TMEM179: variants seen among roughly 807,000 people sequenced by gnomAD.
TMEM179 encodes transmembrane protein 179A.
A neutral mutation model predicts 22.2 loss-of-function variants in TMEM179; 17 were observed. The observed-to-expected ratio is 0.77, with a 90% CI of 0.52 to 1.15. The LOEUF (loss-of-function observed/expected upper bound fraction) is 1.15, where lower values mean the gene tolerates loss of function less well. Among genes scored for constraint, TMEM179 ranks in the 50% most tolerant of loss-of-function variants. The probability of loss-of-function intolerance (pLI) is 0.00; values close to 1 mark genes in which losing one functional copy is unlikely to be tolerated. For synonymous variants in TMEM179, 127 were observed against 140.5 expected (o/e 0.90, Z 0.68); for missense variants, 265 against 313.6 (o/e 0.84, Z 1.17).
Position 104,597,691 on chromosome 14 carries a change from T to A in TMEM179, c.306-564A>T, listed in dbSNP as rs888173764. Among the ~76,000 whole-genome samples, 1 of 152,042 alleles carries A rather than the reference T, an allele frequency of 6.6e-6. No homozygotes were observed. Among genetic ancestry groups the A allele is most frequent in the Non-Finnish European group, 1.5e-5 (1 of 68,004 alleles). ...AAGAGGAACGGGCCCTCAGCAGGCA[T>A]CGAACCTGGATCCCAGCCTGGATCG... On this transcript the variant is annotated intron_variant, in intron 1 of 3. Transcript: ENST00000556573. This position sits in a 1 kb window ranked among gnomAD's most constrained non-coding sequence, Gnocchi z 4.8.
intron 1 of TMEM179, among the ~76,000 whole-genome samples, chr14:104,599,405 C>T (rs1334579354): frequency 6.6e-6 from 1 of 152,198 alleles, no homozygotes; most frequent in East Asian, 1.9e-4. Context: ...ACCCACCCAT[C>T]CAGGTCCCGT....
chr14:104,602,207 C>G (rs1887261246), intron 1 of TMEM179, among the ~76,000 whole-genome samples: 2 of 152,202 alleles, frequency 1.3e-5, no homozygotes, highest in Admixed American at 1.3e-4. Context: ...ATAGACCATA[C>G]CCTGTGCGAC....
At chr14:104,601,811 G>A (rs915864758) in intron 1 of TMEM179, among the ~76,000 whole-genome samples, 4 of 152,122 alleles carry the variant, frequency 2.6e-5, no homozygotes, top group African/African-American at 4.8e-5. Context: ...GGAGCTGCCC[G>A]GACCTGACCT....
In TMEM179 at chr14:104,604,410, G is replaced by A; in HGVS notation, c.305+27C>T. ...GGGGCGCTGGGGGCATGGAAGGGGC[G>A]CCGCGCCGGGAGCGGCCCCCACTTA... On this transcript the variant is annotated intron_variant, in intron 1 of 3. Transcript: ENST00000556573. This position sits in a 1 kb window ranked among gnomAD's most constrained non-coding sequence, Gnocchi z 4.6. The A allele has an allele frequency of 1.3e-6, 2 of 1,488,276 alleles. No individual in the cohort carries two copies. Among genetic ancestry groups the A allele is most frequent in the Non-Finnish European group, 8.9e-7 (1 of 1,126,778 alleles). 92.2% of individuals were successfully genotyped at this position (1,488,276 alleles called of 1,614,324 possible). A position where few individuals can be genotyped will look rare whatever the true frequency, so the allele number is the denominator to read the frequency against.
Position 104,596,898 on chromosome 14 carries a change from C to T in TMEM179, c.443+92G>A, listed in dbSNP as rs966681872. On this transcript the variant is annotated intron_variant, in intron 2 of 3. Transcript: ENST00000556573. ...CCAGGGACCGCAGACTCAGGATGGG[C>T]TTCGTGAGGGAAGATCACCCACAGC... 4.0e-6 allele frequency: 6 copies of T among 1,511,286 alleles called. No individual in the cohort carries two copies. The African/African-American group carries it at 8.3e-5, about 21-fold the overall frequency. 93.6% of individuals were successfully genotyped at this position (1,511,286 alleles called of 1,614,324 possible).
chr14:104,600,188 C>A (rs1214536213), intron 1 of TMEM179, among the ~76,000 whole-genome samples: 1 of 152,354 alleles, frequency 6.6e-6, no homozygotes, highest in Non-Finnish European at 1.5e-5. Context: ...GTGTCCAGAG[C>A]ATCCCCGGAT....
rs538226676 is a variant in TMEM179 at position 104,595,929 on chromosome 14, G to A, written c.444-686C>T. On this transcript the variant is annotated intron_variant, in intron 2 of 3. Transcript: ENST00000556573. This position sits in a 1 kb window ranked among gnomAD's most constrained non-coding sequence, Gnocchi z 5.7. ...GCGGCCCCAAATCCCTGGAGGGGCTGAAGGGCTGGAAACAGTGTCTGTGAG... is the reference window on the plus strand; with the variant it reads ...GCGGCCCCAAATCCCTGGAGGGGCTAAAGGGCTGGAAACAGTGTCTGTGAG... 6.6e-6 allele frequency among the ~76,000 whole-genome samples: 1 copy of A among 152,276 alleles called. No individual in the cohort carries two copies. The highest frequency in any genetic ancestry group is 1.5e-5 in the Non-Finnish European group (1 of 68,046).
intron 1 of TMEM179, among the ~76,000 whole-genome samples, chr14:104,600,436 C>A (rs1052962968): frequency 3.9e-5 from 6 of 152,236 alleles, no homozygotes; most frequent in African/African-American, 1.4e-4. Flanking sequence ...AGCATCCCTC[C>A]GGCCCGCCAA....
In TMEM179 at chr14:104,595,349, G is replaced by C. The variant is rs1410867470; in HGVS notation, c.444-106C>G. On this transcript the variant is annotated intron_variant, in intron 2 of 3. Coordinates refer to ENST00000556573, the MANE Select transcript of TMEM179 (RefSeq NM_001286389.2). The surrounding 1 kb of genome is among the most constrained non-coding windows in gnomAD (Gnocchi z 5.7). ...CAGGAGCTTTGCCCTACAATTGTTGGGCGAGGGGGTGGGCAGCAGGGAGTC... is the reference window on the plus strand; with the variant it reads ...CAGGAGCTTTGCCCTACAATTGTTGCGCGAGGGGGTGGGCAGCAGGGAGTC... The C allele has an allele frequency of 8.7e-7, 1 of 1,147,306 alleles. No individual in the cohort carries two copies. The highest frequency in any genetic ancestry group is 1.5e-5 in the African/African-American group (1 of 65,022). 71.1% of individuals were successfully genotyped at this position (1,147,306 alleles called of 1,614,324 possible).
intron 3 of TMEM179, 83 bp from the exon 4 acceptor site, chr14:104,593,741 G>A: frequency 7.2e-7 from 1 of 1,395,942 alleles, no homozygotes. Context: ...CCCAGGCTCT[G>A]CTCTGCAGGG....
At position 104,593,349 on chromosome 14, in the gene TMEM179, T is replaced by C. The variant is rs1392415659; in HGVS notation, c.*130A>G. 1.7e-6 allele frequency: 2 copies of C among 1,164,258 alleles called. No homozygotes were observed. The highest frequency in any genetic ancestry group is 2.4e-6 in the Non-Finnish European group (2 of 826,356). The allele number at this position is 1,164,258 out of a possible 1,614,324, so 72.1% of individuals were successfully genotyped here. ...GGCGCTCACCTCACTACACGTGGCG[T>C]CGAGGGGACACACGCAGGGCTGCAT... On this transcript the variant is annotated 3_prime_UTR_variant, in exon 4 of 4. Transcript: ENST00000556573.
rs111274571 is a variant in TMEM179, at chr14:104,598,348, C to T, written c.306-1221G>A. Among the ~76,000 whole-genome samples the T allele has an allele frequency of 5.5e-3, 843 of 152,290 alleles. 5 individuals are homozygous for T. The highest frequency in any genetic ancestry group is 0.034 in the East Asian group (174 of 5,186). ...CCCGCCTCTCACCTGCCAGCAGGCT[C>T]GATGTTAGCCTGCATGCTGTCAGCA... is the stretch of plus-strand genomic sequence containing the variant. On this transcript the variant is annotated intron_variant, in intron 1 of 3. Transcript: ENST00000556573.
chr14:104,595,257 A>C lies in TMEM179; in HGVS notation c.444-14T>G. ...AGCTCTTCACAGCTAAAACAGCAGG[A>C]CATAGGGTGGAGGGTGACCACCAGG... is the stretch of plus-strand genomic sequence containing the variant. On this transcript the variant is annotated splice_polypyrimidine_tract_variant and intron_variant, in intron 2 of 3. Transcript: ENST00000556573. This position sits in a 1 kb window ranked among gnomAD's most constrained non-coding sequence, Gnocchi z 5.7. 2 of 1,611,196 alleles carry C rather than the reference A, an allele frequency of 1.2e-6. No individual in the cohort carries two copies. The highest frequency in any genetic ancestry group is 2.2e-5 in the East Asian group (1 of 44,804).
chr14:104,603,526 C>G (rs1041798201), intron 1 of TMEM179, among the ~76,000 whole-genome samples: 4 of 82,560 alleles, frequency 4.8e-5, no homozygotes, highest in East Asian at 3.5e-4. Flanking sequence ...GGTGGGTTCA[C>G]AGAGGGAGTG....
At chr14:104,602,316 C>G (rs988653207) in intron 1 of TMEM179, among the ~76,000 whole-genome samples, 10 of 152,198 alleles carry the variant, frequency 6.6e-5, no homozygotes, top group African/African-American at 2.4e-4. Flanking sequence ...TCACTCTGAC[C>G]ACATAGCTGG....
intron 1 of TMEM179, among the ~76,000 whole-genome samples, chr14:104,603,823 G>A (rs892241389): frequency 2.0e-5 from 3 of 152,182 alleles, no homozygotes; most frequent in African/African-American, 4.8e-5. Flanking sequence ...GTATCTAGCC[G>A]GAGCAGGAAA....
chr14:104,604,522 T>C lies in TMEM179; in HGVS notation c.220A>G (p.Ser74Gly), dbSNP rs749351337. ...EWGPPAACRF[S>G]LLASLLSLLL... is the part of the protein sequence containing the mutation. ...AGAGACAGGAGGCTGGCGAGCAGGC[T>C]GAAGCGGCAGGCGGCCGGCGGGCCC... The change falls in exon 1 of 4, where the codon AGC (serine) becomes GGC (glycine). Residue 74 changes from serine (S) to glycine (G), a missense_variant. Coordinates refer to ENST00000556573, the MANE Select transcript of TMEM179 (RefSeq NM_001286389.2). The surrounding 1 kb of genome is among the most constrained non-coding windows in gnomAD (Gnocchi z 4.6). The C allele has an allele frequency of 1.5e-5, 24 of 1,560,694 alleles. No homozygotes were observed. Among genetic ancestry groups the C allele is most frequent in the Non-Finnish European group, 2.0e-5 (23 of 1,155,958 alleles).
intron 3 of TMEM179, 136 bp from the exon 4 acceptor site, chr14:104,593,794 G>T: frequency 9.8e-7 from 1 of 1,024,174 alleles, no homozygotes; most frequent in African/African-American, 1.6e-5. Flanking sequence ...GGGACATGGG[G>T]CAGGGCCAGC....
rs1886900281 is a variant in TMEM179, at chr14:104,593,237, G to A, written c.*242C>T. On this transcript the variant is annotated 3_prime_UTR_variant, in exon 4 of 4. Transcript: ENST00000556573. ...AGGCCTGGAGGTGCCCCCCGCCCCC[G>A]CCCCACACCCATAGTCTCTCTGCAC... 9.2e-6 allele frequency: 5 copies of A among 544,510 alleles called. No homozygotes were observed. The highest frequency in any genetic ancestry group is 3.9e-4 in the Middle Eastern group (1 of 2,534). The allele number at this position is 544,510 out of a possible 1,614,324, so 33.7% of individuals were successfully genotyped here.
Sources: allele counts gnomAD v4.1 joint callset (sites outside exome capture counted in the v4.1 genomes callset), GRCh38; gene constraint gnomAD v4.1.1; non-coding constraint Gnocchi (gnomAD v3.1); transcripts MANE v1.5; gene names NCBI Gene and HGNC (gene_info 2026-07-23, HGNC 2026-07-21).